The following PCSK4 variants were observed in gnomAD, a reference collection of about 807,000 sequenced individuals.
The protein encoded by PCSK4 is testicular tissue protein Li 135.
PCSK4 carries 64 observed loss-of-function variants against 80.3 expected under a neutral mutation model. The ratio of observed to expected loss-of-function variants is 0.80; its 90% CI spans 0.65 to 0.98. PCSK4 has a LOEUF of 0.98. Ranked by LOEUF, PCSK4 falls within the 50% of genes least tolerant of loss-of-function variation. PCSK4 has a pLI of 0.00. For missense variants in PCSK4, 1,213 were observed against 1,093.6 expected, an observed-to-expected ratio of 1.11 and a Z score of -1.54; for synonymous variants, 561 against 487.6, an observed-to-expected ratio of 1.15 and a Z score of -1.98.
exon 12 of PCSK4, chr19:1,483,358 G>T (rs1568206224): frequency 6.2e-7 from 1 of 1,609,602 alleles, no homozygotes. Flanking sequence ...GCCGGCTGTA[G>T]GACAGCGTCA....
chr19:1,488,756 C>T (rs791463), intron 2 of PCSK4, among the ~76,000 whole-genome samples: 147,083 of 152,144 alleles, frequency 0.97, 71,128 homozygotes, highest in East Asian at 1. Flanking sequence ...AATTTTTGTA[C>T]ATTTAGTAGA....
exon 12 of PCSK4, chr19:1,483,415 G>A (rs544145596): frequency 1.2e-6 from 2 of 1,600,712 alleles, no homozygotes; most frequent in South Asian, 1.1e-5. Flanking sequence ...TGTGGAGGCC[G>A]GCGCAGGCCG....
chr19:1,482,732 G>T, intron 13 of PCSK4, 164 bp downstream of exon 13: 2 of 808,918 alleles, frequency 2.5e-6, no homozygotes, highest in Non-Finnish European at 3.9e-6. Context: ...GCCTGTCATT[G>T]CACACCATCT....
intron 2 of PCSK4, among the ~76,000 whole-genome samples, chr19:1,488,603 CAG>C (rs2084768457): frequency 6.6e-6 from 1 of 152,056 alleles, no homozygotes; most frequent in African/African-American, 2.4e-5. Context: ...TTTTTTGAGA[CAG>C]AGTCTTGTTC....
At chr19:1,482,502 G>C (rs1162412925) in intron 13 of PCSK4, 27 bp from the exon 14 acceptor site, 1 of 1,584,950 alleles carries the variant, frequency 6.3e-7, no homozygotes, top group South Asian at 1.1e-5. Flanking sequence ...GGTGGGCACA[G>C]GAGGAAAAGG....
intron 2 of PCSK4, chr19:1,489,467 C>G (rs934955358): frequency 1.0e-4 from 33 of 324,710 alleles, no homozygotes; most frequent in Admixed American, 3.5e-4. Flanking sequence ...ATTACGGTGT[C>G]GTAAAATCCC....
At chr19:1,481,997 T>C in exon 15 of PCSK4, 1 of 1,590,016 alleles carries the variant, frequency 6.3e-7, no homozygotes, top group Admixed American at 1.8e-5. Flanking sequence ...CTGCTGCTGG[T>C]CCAGCGTGGA....
chr19:1,488,078 T>A lies in PCSK4; in HGVS notation c.402A>T (p.Gln134His), dbSNP rs112475014. ...AGGCCTGCAGGATGCTCAGGTCTGG[T>A]TGGGCCTCGCTGTTCTGCAGGGGGA... Residue 134 changes from glutamine to histidine, a missense_variant, in exon 4 of 15, where the codon CAA (glutamine) becomes CAT (histidine). Physicochemically the swap from Gln to His is conservative, Grantham distance 24. Coordinates refer to ENST00000300954, the Ensembl canonical transcript of PCSK4. The A allele has an allele frequency of 9.3e-6, 15 of 1,613,022 alleles. No homozygotes were observed. The South Asian group carries it at 1.5e-4, about 17-fold the overall frequency.
chr19:1,481,672 C>T (rs2084299919), exon 15 of PCSK4: 1 of 984,206 alleles, frequency 1.0e-6, no homozygotes, highest in Non-Finnish European at 1.4e-6. Flanking sequence ...GTGCTCGCTC[C>T]TCTGGGGCCA....
At chr19:1,489,376 C>A (rs957897466) in intron 2 of PCSK4, among the ~76,000 whole-genome samples, 1 of 152,060 alleles carries the variant, frequency 6.6e-6, no homozygotes, top group Non-Finnish European at 1.5e-5. Context: ...CCTTGTGATC[C>A]GACCGCCTCC....
Position 1,483,647 on chromosome 19 carries a change from C to T in PCSK4, c.1391+3G>A, listed in dbSNP as rs558100492. On this transcript the variant is annotated splice_donor_region_variant and intron_variant, in intron 11 of 14. Coordinates refer to ENST00000300954, the Ensembl canonical transcript of PCSK4. ...ATAGCGGAGGGGCGCGCAGGGGTCT[C>T]ACGTGGGGCGGCTCTGGACCCGGAC... 30 of 1,582,442 alleles carry T rather than the reference C, an allele frequency of 1.9e-5. No homozygotes were observed. The African/African-American group carries it at 3.1e-4, about 16-fold the overall frequency.
exon 8 of PCSK4, chr19:1,486,884 T>C (rs1568216081): frequency 6.3e-6 from 10 of 1,599,914 alleles, no homozygotes; most frequent in Non-Finnish European, 7.6e-6. Flanking sequence ...GCCGCTGCTG[T>C]AGGTGGTGGT....
exon 12 of PCSK4, chr19:1,483,360 A>G: frequency 6.2e-7 from 1 of 1,609,390 alleles, no homozygotes; most frequent in Non-Finnish European, 8.5e-7. Flanking sequence ...CGGCTGTAGG[A>G]CAGCGTCAGC....
chr19:1,487,886 G>A, intron 4 of PCSK4, 25 bp from the exon 5 acceptor site: 13 of 1,557,102 alleles, frequency 8.3e-6, no homozygotes, highest in Non-Finnish European at 1.0e-5. Context: ...GGATATGAGG[G>A]GGCCGGGAGG....
exon 15 of PCSK4, chr19:1,482,136 T>C: frequency 6.4e-7 from 1 of 1,558,022 alleles, no homozygotes; most frequent in Non-Finnish European, 8.6e-7. Context: ...ACCAGCCTTG[T>C]GTGGTTGAAG....
chr19:1,482,419 G>T (rs139009034), exon 14 of PCSK4: 1 of 1,607,636 alleles, frequency 6.2e-7, no homozygotes, highest in Non-Finnish European at 8.5e-7. Context: ...CCTGTAGGCC[G>T]CGCTGTCATG....
intron 8 of PCSK4, among the ~76,000 whole-genome samples, chr19:1,484,662 A>G (rs1279352527): frequency 6.6e-6 from 1 of 151,470 alleles, no homozygotes; most frequent in Non-Finnish European, 1.5e-5. Flanking sequence ...ATACAAAAAA[A>G]TTACCCGGGT....
chr19:1,487,464 C>G, intron 6 of PCSK4, 139 bp downstream of exon 6: 1 of 1,002,922 alleles, frequency 1.0e-6, no homozygotes, highest in Non-Finnish European at 1.5e-6. Flanking sequence ...CTCAGCACCC[C>G]CCAAGCCCTG....
chr19:1,486,990 C>T lies in PCSK4; in HGVS notation c.931G>A (p.Asp311Asn), dbSNP rs549773526. The T allele has an allele frequency of 3.0e-5, 49 of 1,609,848 alleles. No homozygotes were observed. The East Asian group carries it at 5.6e-4, about 18-fold the overall frequency. ...GTGTGGATGCTGTTGGTGTAGCCGT[C>T]GCAGTTGCAGTTGTCGTAGTGCAGG... Residue 311 changes from aspartate to asparagine, a missense_variant, in exon 8 of 15, where the codon GAC (aspartate) becomes AAC (asparagine). Coordinates refer to ENST00000300954, the Ensembl canonical transcript of PCSK4.
Sources: gnomAD v4.1 joint callset for allele counts (sites outside exome capture counted in the v4.1 genomes callset) on GRCh38, gnomAD v4.1.1 for gene constraint, MANE v1.5 for transcripts, NCBI Gene and HGNC (gene_info 2026-07-23, HGNC 2026-07-21) for gene names.